The following MYH6 variants were observed in gnomAD, a reference collection of about 807,000 sequenced individuals.
MYH6 encodes the protein myosin-6.
In MYH6, 126 loss-of-function variants were observed where a neutral mutation model predicts 223.2. The ratio of observed to expected loss-of-function variants is 0.56; its 90% CI spans 0.49 to 0.65. The LOEUF (loss-of-function observed/expected upper bound fraction) is 0.65, where lower values mean the gene tolerates loss of function less well. Ranked by LOEUF, MYH6 falls within the 30% of genes least tolerant of loss-of-function variation. The probability of loss-of-function intolerance (pLI) is 0.00; values close to 1 mark genes in which losing one functional copy is unlikely to be tolerated. For synonymous variants in MYH6, 978 were observed against 1,010.2 expected (o/e 0.97, Z 0.61); for missense variants, 2,040 against 2,536.4 (o/e 0.80, Z 4.20).
At position 23,407,453 on chromosome 14, in the gene MYH6, A is replaced by G. The variant is rs1471942844; in HGVS notation, c.-14+123T>C. The G allele has an allele frequency of 1.7e-6, 2 of 1,198,402 alleles. No individual in the cohort carries two copies. The highest frequency in any genetic ancestry group is 2.9e-5 in the Admixed American group (1 of 34,958). 74.2% of individuals were successfully genotyped at this position (1,198,402 alleles called of 1,614,324 possible). On this transcript the variant is annotated intron_variant, in intron 2 of 38. Transcript: ENST00000405093. This position sits in a 1 kb window ranked among gnomAD's most constrained non-coding sequence, Gnocchi z 5.6. ...CTGTAAGGGGTTTCCCTGGGGTGGC[A>G]TTGGCTGGAGTATGCTAAGGGTTGG...
intron 15 of MYH6, among the ~76,000 whole-genome samples, chr14:23,398,427 T>C (rs1276676234): frequency 6.6e-6 from 1 of 152,220 alleles, no homozygotes; most frequent in African/African-American, 2.4e-5. Flanking sequence ...TGTTGAGAAC[T>C]CCCACATGCA....
At chr14:23,389,961 T>A in intron 26 of MYH6, 96 bp downstream of exon 26, 1 of 1,608,424 alleles carries the variant, frequency 6.2e-7, no homozygotes, top group Admixed American at 1.7e-5. Context: ...ATGAAGAGAA[T>A]GAGAATGACA....
Position 23,396,417 on chromosome 14 carries a change from A to G in MYH6, c.2296T>C (p.Phe766Leu), listed in dbSNP as rs1413400553. 2 of 1,613,814 alleles carry G rather than the reference A, an allele frequency of 1.2e-6. No individual in the cohort carries two copies. Among genetic ancestry groups the G allele is most frequent in the East Asian group, 2.2e-5 (1 of 44,888 alleles). ...AGCCCAAGCAGCCCTGCCTTGAAGAACACCTGCAGGCAAGGGGTAGATGCA... is the reference window on the plus strand; with the variant it reads ...AGCCCAAGCAGCCCTGCCTTGAAGAGCACCTGCAGGCAAGGGGTAGATGCA... ...NQYKFGHTKV[F>L]FKAGLLGLLE... Residue 766 changes from phenylalanine (F) to leucine (L), a missense_variant, in exon 20 of 39, where the codon TTC (phenylalanine) becomes CTC (leucine). By Grantham distance (22) the Phe-to-Leu change is conservative. Around this residue, in one of 4 missense-constraint regions of MYH6, gnomAD observed 649 missense variants for 877.3 expected, o/e 0.74. Transcript: ENST00000405093.
At position 23,405,183 on chromosome 14, in the gene MYH6, T is replaced by C; in HGVS notation, c.502+40A>G. The C allele has an allele frequency of 1.2e-6, 2 of 1,613,852 alleles. No individual in the cohort carries two copies. The highest frequency in any genetic ancestry group is 8.5e-7 in the Non-Finnish European group (1 of 1,180,014). ...TCAGGGCTGAGGATCTGGGTGGGTGTCTGGGAGGAGGAGCAGAGACCAGGG... is the reference window on the plus strand; with the variant it reads ...TCAGGGCTGAGGATCTGGGTGGGTGCCTGGGAGGAGGAGCAGAGACCAGGG... On this transcript the variant is annotated intron_variant, in intron 5 of 38. Coordinates refer to ENST00000405093, the MANE Select transcript of MYH6 (RefSeq NM_002471.4). The surrounding 1 kb of genome is among the most constrained non-coding windows in gnomAD (Gnocchi z 4.7).
rs1394208752 is a variant in MYH6, at chr14:23,382,425, C to T, written c.5796+3G>A. On this transcript the variant is annotated splice_donor_region_variant and intron_variant, in intron 38 of 38. Transcript: ENST00000405093. ...ACTAGTGAAGCCCAGGGGAGGGACC[C>T]ACCTTGGCACCAATGTCACGGCTCT... 2.5e-6 allele frequency: 4 copies of T among 1,613,962 alleles called. No individual in the cohort carries two copies. The African/African-American group carries it at 5.3e-5, about 22-fold the overall frequency.
chr14:23,402,144 TA>T (rs1891620833), intron 12 of MYH6, among the ~76,000 whole-genome samples: 1 of 152,226 alleles, frequency 6.6e-6, no homozygotes, highest in Non-Finnish European at 1.5e-5. Context: ...ACGAGGGGCT[TA>T]CCCAAGGGCT....
intron 14 of MYH6, 123 bp downstream of exon 14, chr14:23,400,133 G>T: frequency 1.4e-6 from 2 of 1,441,068 alleles, no homozygotes; most frequent in Non-Finnish European, 1.9e-6. Context: ...GTGGGGAGAA[G>T]CTGGGCCTGG....
At chr14:23,388,070 C>T (rs1891093149) in intron 30 of MYH6, 85 bp downstream of exon 30, 4 of 1,609,640 alleles carry the variant, frequency 2.5e-6, no homozygotes, top group Non-Finnish European at 3.4e-6. Flanking sequence ...TCCTCCACCT[C>T]CAAGGAGGTT....
At chr14:23,388,790 TG>T in intron 29 of MYH6, 68 bp downstream of exon 29, 1 of 1,611,286 alleles carries the variant, frequency 6.2e-7, no homozygotes, top group Non-Finnish European at 8.5e-7. Flanking sequence ...CCACTTTGCC[TG>T]TCCCCACCCC....
intron 14 of MYH6, among the ~76,000 whole-genome samples, 200 bp from the exon 15 acceptor site, chr14:23,399,237 C>T (rs1891523854): frequency 6.6e-6 from 1 of 152,144 alleles, no homozygotes; most frequent in Non-Finnish European, 1.5e-5. Flanking sequence ...CCTTTCTGCC[C>T]AGTGGGTCCA....
chr14:23,390,870 G>T (rs1319587841), intron 25 of MYH6, among the ~76,000 whole-genome samples: 1 of 152,204 alleles, frequency 6.6e-6, no homozygotes, highest in East Asian at 1.9e-4. Flanking sequence ...ATGAGTGCTT[G>T]TATTTTACAA....
intron 8 of MYH6, 39 bp from the exon 9 acceptor site, chr14:23,403,817 AG>A: frequency 6.4e-7 from 1 of 1,552,028 alleles, no homozygotes; most frequent in East Asian, 2.3e-5. Context: ...ACTGGCGGGA[AG>A]GACAGAGTGA....
intron 10 of MYH6, 31 bp downstream of exon 10, chr14:23,403,317 G>A (rs778234153): frequency 1.0e-5 from 16 of 1,570,518 alleles, no homozygotes; most frequent in Non-Finnish European, 1.4e-5. Context: ...AGCAGGGACA[G>A]CAGTGGGTGG....
chr14:23,402,685 C>T lies in MYH6; in HGVS notation c.1002+12G>A. On this transcript the variant is annotated intron_variant, in intron 11 of 38. Transcript: ENST00000405093. Reference sequence around the variant, plus strand: ...GGGTCCCTCGAACGGCCGCAGCAGCCCCCTCACTCACATCGGTGGCCATGA... The same window carrying T: ...GGGTCCCTCGAACGGCCGCAGCAGCTCCCTCACTCACATCGGTGGCCATGA... 1.9e-6 allele frequency: 3 copies of T among 1,613,554 alleles called. No individual in the cohort carries two copies. Among genetic ancestry groups the T allele is most frequent in the Non-Finnish European group, 2.5e-6 (3 of 1,179,916 alleles).
chr14:23,397,961 CTT>C (rs1891469788), intron 15 of MYH6, among the ~76,000 whole-genome samples: 1 of 120,888 alleles, frequency 8.3e-6, no homozygotes, highest in Admixed American at 8.8e-5. Flanking sequence ...TCTTCTTCTT[CTT>C]CTTCTTCTTC....
intron 37 of MYH6, 125 bp from the exon 38 acceptor site, chr14:23,382,687 A>T: frequency 1.4e-6 from 2 of 1,401,612 alleles, no homozygotes; most frequent in East Asian, 4.6e-5. Flanking sequence ...TTCCTGCAAC[A>T]GCCTTCCCAA....
intron 22 of MYH6, 67 bp downstream of exon 22, chr14:23,393,599 C>G (rs1891303527): frequency 6.2e-6 from 10 of 1,613,984 alleles, no homozygotes; most frequent in Non-Finnish European, 8.5e-6. Flanking sequence ...TGCCAAGGAC[C>G]AGGACAACAC....
rs979365313 is a variant in MYH6, at chr14:23,406,927, C to G, written c.201+96G>C. 11 of 1,372,368 alleles carry G rather than the reference C, an allele frequency of 8.0e-6. No homozygotes were observed. The African/African-American group carries it at 1.4e-4, about 18-fold the overall frequency. 85.0% of individuals were successfully genotyped at this position (1,372,368 alleles called of 1,614,324 possible). ...GGCATCCCCACTGGCCTTGGCTTTTCTCCAGCCCTCTCAGCTCCCCCTGCA... is the reference window on the plus strand; with the variant it reads ...GGCATCCCCACTGGCCTTGGCTTTTGTCCAGCCCTCTCAGCTCCCCCTGCA... On this transcript the variant is annotated intron_variant, in intron 3 of 38. Transcript: ENST00000405093.
At chr14:23,404,253 T>C (rs774461563) in intron 8 of MYH6, 43 bp downstream of exon 8, 5 of 1,607,272 alleles carry the variant, frequency 3.1e-6, no homozygotes, top group Non-Finnish European at 4.3e-6. Context: ...CTTTTTCTTG[T>C]CAAGGCTGGA....
Sources: gnomAD v4.1 joint callset for allele counts (sites outside exome capture counted in the v4.1 genomes callset) on GRCh38, gnomAD v4.1.1 for gene constraint, gnomAD v4.1.1 regional missense constraint, Gnocchi (gnomAD v3.1) non-coding constraint, MANE v1.5 for transcripts, NCBI Gene and HGNC (gene_info 2026-07-23, HGNC 2026-07-21) for gene names.